The following CACNA1A variants were observed in gnomAD, a reference collection of about 807,000 sequenced individuals.
The protein encoded by CACNA1A is voltage-dependent P/Q-type calcium channel subunit alpha-1A.
Under a neutral mutation model 262.4 loss-of-function variants are expected in CACNA1A, and 57 were observed. The observed-to-expected ratio is 0.22, with a 90% CI of 0.18 to 0.27. CACNA1A has a LOEUF of 0.27. Among genes scored for constraint, CACNA1A ranks in the 10% least tolerant of loss-of-function variants. CACNA1A has a pLI of 1.00. For synonymous variants in CACNA1A, 1,431 were observed against 1,419.3 expected, an observed-to-expected ratio of 1.01 and a Z score of -0.18; for missense variants, 2,526 against 3,562.8, an observed-to-expected ratio of 0.71 and a Z score of 7.41.
At chr19:13,341,300 C>T (rs1006108001) in intron 6 of CACNA1A, among the ~76,000 whole-genome samples, 1 of 151,572 alleles carries the variant, frequency 6.6e-6, no homozygotes, top group Non-Finnish European at 1.5e-5. Flanking sequence ...CACCATGGCC[C>T]AGCTGACATC....
chr19:13,474,272 G>A (rs1978312098), intron 1 of CACNA1A, among the ~76,000 whole-genome samples: 2 of 152,174 alleles, frequency 1.3e-5, no homozygotes, highest in East Asian at 1.9e-4. Context: ...GTAGGGGGCA[G>A]GATATTTGCA....
In CACNA1A at chr19:13,236,180, T is replaced by C. The variant is rs2055866820; in HGVS notation, c.4951-450A>G. On this transcript the variant is annotated intron_variant, in intron 31 of 46. Transcript: ENST00000360228. This position sits in a 1 kb window ranked among gnomAD's most constrained non-coding sequence, Gnocchi z 4.6. ...GACACAAGCCGGTCAAGTTGCGGAA[T>C]CTATCATACGTGTACGATGCACAAA... Among the ~76,000 whole-genome samples, 1 of 148,808 alleles carries C rather than the reference T, an allele frequency of 6.7e-6. No homozygotes were observed.
chr19:13,439,323 T>C (rs535023638), intron 3 of CACNA1A, among the ~76,000 whole-genome samples: 2 of 151,768 alleles, frequency 1.3e-5, no homozygotes, highest in African/African-American at 4.8e-5. Context: ...TTAGCCAGGA[T>C]GGTCTCGATT....
intron 2 of CACNA1A, among the ~76,000 whole-genome samples, chr19:13,453,592 G>T (rs982382596): frequency 6.6e-6 from 1 of 152,222 alleles, no homozygotes. Context: ...ATTGTTAAAG[G>T]TTTGGAATAG....
At chr19:13,224,795 G>A (rs774189648) in intron 37 of CACNA1A, 23 bp from the exon 38 acceptor site, 39 of 1,565,278 alleles carry the variant, frequency 2.5e-5, no homozygotes, top group African/African-American at 5.4e-5. Flanking sequence ...CAAGGCAAGC[G>A]CAGTCATTCC....
At chr19:13,287,065 A>G (rs1209581703) in intron 19 of CACNA1A, 99 bp from the exon 20 acceptor site, 14 of 1,071,630 alleles carry the variant, frequency 1.3e-5, no homozygotes, top group Middle Eastern at 3.1e-4. Context: ...CAAGAGTACA[A>G]TTTGGGCTGG....
intron 4 of CACNA1A, among the ~76,000 whole-genome samples, chr19:13,370,083 T>C (rs1317648410): frequency 2.0e-5 from 3 of 151,916 alleles, no homozygotes; most frequent in Non-Finnish European, 4.4e-5. Context: ...GTCTGGCACA[T>C]AGTAAGTGCT....
Position 13,236,012 on chromosome 19 carries a change from AAAAG to A in CACNA1A, c.4951-286_4951-283del, listed in dbSNP as rs1324220919. On this transcript the variant is annotated intron_variant, in intron 31 of 46. Coordinates refer to ENST00000360228, the MANE Select transcript of CACNA1A (RefSeq NM_001127222.2). This position sits in a 1 kb window ranked among gnomAD's most constrained non-coding sequence, Gnocchi z 4.6. ...CACCCACAATGGGGAAAAGAAAAGA[AAAAG>A]AAAGGAGGAAAAAGGAACGGGGATG... is the stretch of plus-strand genomic sequence containing the variant. The A allele has an allele frequency of 2.0e-5, 7 of 358,178 alleles. No individual in the cohort carries two copies. The highest frequency in any genetic ancestry group is 1.7e-4 in the East Asian group (4 of 23,664). The allele number at this position is 358,178 out of a possible 1,614,324, so 22.2% of individuals were successfully genotyped here.
At chr19:13,297,162 A>C (rs1047349202) in intron 19 of CACNA1A, among the ~76,000 whole-genome samples, 3 of 152,148 alleles carry the variant, frequency 2.0e-5, no homozygotes, top group African/African-American at 7.2e-5. Flanking sequence ...ACCTCATTCA[A>C]TCCTGGCAAT....
At chr19:13,456,133 G>C (rs1389628029) in intron 1 of CACNA1A, among the ~76,000 whole-genome samples, 2 of 151,780 alleles carry the variant, frequency 1.3e-5, no homozygotes, top group African/African-American at 4.8e-5. Context: ...CTGGGCAACA[G>C]AGCAAGACTC....
intron 9 of CACNA1A, among the ~76,000 whole-genome samples, 185 bp from the exon 10 acceptor site, chr19:13,330,518 G>T (rs1179840576): frequency 6.6e-6 from 1 of 152,196 alleles, no homozygotes; most frequent in Non-Finnish European, 1.5e-5. Context: ...GCTTAAAGGG[G>T]TAAAGACAAG....
At chr19:13,388,320 A>G (rs1445722044) in intron 3 of CACNA1A, among the ~76,000 whole-genome samples, 2 of 125,760 alleles carry the variant, frequency 1.6e-5, no homozygotes, top group African/African-American at 6.3e-5. Flanking sequence ...CAATGGTGTG[A>G]TCTCAGCTCA....
At chr19:13,412,971 C>T (rs2060137683) in intron 3 of CACNA1A, among the ~76,000 whole-genome samples, 1 of 152,100 alleles carries the variant, frequency 6.6e-6, no homozygotes. Flanking sequence ...TGGGTTAGGA[C>T]CAGGTGTGGG....
At chr19:13,498,541 A>C (rs1480369658) in intron 1 of CACNA1A, among the ~76,000 whole-genome samples, 1 of 152,096 alleles carries the variant, frequency 6.6e-6, no homozygotes, top group Non-Finnish European at 1.5e-5. Context: ...AGCAACAGGC[A>C]CCTTTAAGGA....
chr19:13,298,436 G>A, intron 19 of CACNA1A, 108 bp downstream of exon 19: 2 of 1,121,724 alleles, frequency 1.8e-6, no homozygotes, highest in East Asian at 3.2e-5. Flanking sequence ...GCCAAATACA[G>A]CATTTTATAA....
intron 10 of CACNA1A, among the ~76,000 whole-genome samples, chr19:13,325,185 T>C (rs1359772193): frequency 3.9e-5 from 5 of 127,760 alleles, no homozygotes; most frequent in Non-Finnish European, 4.8e-5. Context: ...CCTCCTCTTC[T>C]TCTTCTTCTT....
At chr19:13,323,128 G>A (rs941503741) in intron 10 of CACNA1A, among the ~76,000 whole-genome samples, 4 of 152,112 alleles carry the variant, frequency 2.6e-5, no homozygotes, top group Admixed American at 1.3e-4. Context: ...GCATGGTGGC[G>A]TGTGCCTGTA....
Position 13,214,968 on chromosome 19 carries a change from G to T in CACNA1A, c.5732-360C>A. On this transcript the variant is annotated intron_variant, in intron 38 of 46. Coordinates refer to ENST00000360228, the MANE Select transcript of CACNA1A (RefSeq NM_001127222.2). This position sits in a 1 kb window ranked among gnomAD's most constrained non-coding sequence, Gnocchi z 4.1. ...CTCCATCTGTGAAATGGAGATGATA[G>T]CAAGAGTACTTGCCTCACCTGGTTG... 1 of 219,126 alleles carries T rather than the reference G, an allele frequency of 4.6e-6. No homozygotes were observed. Among genetic ancestry groups the T allele is most frequent in the Non-Finnish European group, 9.2e-6 (1 of 108,814 alleles). 13.6% of individuals were successfully genotyped at this position (219,126 alleles called of 1,614,324 possible).
chr19:13,479,569 G>C (rs2145073977), intron 1 of CACNA1A, among the ~76,000 whole-genome samples: 1 of 152,294 alleles, frequency 6.6e-6, no homozygotes, highest in Non-Finnish European at 1.5e-5. Flanking sequence ...TCAGCAATGG[G>C]AAAGGAAAAT....
Sources: allele counts gnomAD v4.1 joint callset (sites outside exome capture counted in the v4.1 genomes callset), GRCh38; gene constraint gnomAD v4.1.1; non-coding constraint Gnocchi (gnomAD v3.1); transcripts MANE v1.5; gene names NCBI Gene and HGNC (gene_info 2026-07-23, HGNC 2026-07-21).